CFAP91: variants seen among roughly 807,000 people sequenced by gnomAD.
CFAP91 encodes the protein cilia and flagella associated protein 91, also known as cilia- and flagella-associated protein 91.
In CFAP91, 85 loss-of-function variants were observed where a neutral mutation model predicts 95.9. The observed-to-expected ratio is 0.89, with a 90% CI of 0.74 to 1.06. CFAP91 has a LOEUF of 1.06. CFAP91 is among the 50% of genes least tolerant of loss of function. CFAP91 has a pLI of 0.00. For missense variants in CFAP91, 962 were observed against 943.4 expected (o/e 1.02, Z -0.26); for synonymous variants, 335 against 327.5 (o/e 1.02, Z -0.25).
chr3:119,736,673 G>A (rs2054015147), intron 10 of CFAP91, among the ~76,000 whole-genome samples: 1 of 152,102 alleles, frequency 6.6e-6, no homozygotes. Flanking sequence ...CTTTCACTTA[G>A]CATAGTATTT....
At chr3:119,750,905 A>G (rs1281783958) in intron 16 of CFAP91, 32 bp from the exon 17 acceptor site, 2 of 1,612,840 alleles carry the variant, frequency 1.2e-6, no homozygotes, top group Non-Finnish European at 1.7e-6. Context: ...TCAGACTTTC[A>G]GAATGAAAAT....
intron 9 of CFAP91, among the ~76,000 whole-genome samples, 179 bp from the exon 10 acceptor site, chr3:119,733,185 G>C (rs1300903932): frequency 6.6e-6 from 1 of 152,176 alleles, no homozygotes; most frequent in Non-Finnish European, 1.5e-5. Flanking sequence ...GACAACATGA[G>C]TTAATTATAT....
intron 6 of CFAP91, among the ~76,000 whole-genome samples, chr3:119,717,300 A>G (rs1559750499): frequency 6.6e-6 from 1 of 152,184 alleles, no homozygotes; most frequent in Non-Finnish European, 1.5e-5. Flanking sequence ...TTGGCGTTAA[A>G]CTGCAGAAGG....
At position 119,726,152 on chromosome 3, in the gene CFAP91, G is replaced by A; in HGVS notation, c.683-19G>A. On this transcript the variant is annotated intron_variant, in intron 6 of 17. Coordinates refer to ENST00000273390, the MANE Select transcript of CFAP91 (RefSeq NM_033364.4). Reference sequence around the variant, plus strand: ...GGGTCAGCTCACTTGTTCCTAAGCTGTGCTGCTTTATCCTGCAGGTCGGGG... The same window carrying A: ...GGGTCAGCTCACTTGTTCCTAAGCTATGCTGCTTTATCCTGCAGGTCGGGG... 6 of 1,594,880 alleles carry A rather than the reference G, an allele frequency of 3.8e-6. No homozygotes were observed. The highest frequency in any genetic ancestry group is 5.1e-6 in the Non-Finnish European group (6 of 1,172,184).
intron 12 of CFAP91, 111 bp downstream of exon 12, chr3:119,739,437 T>C: frequency 2.1e-6 from 2 of 946,128 alleles, no homozygotes; most frequent in South Asian, 2.9e-5. Context: ...TGCTATCCTA[T>C]TCAGCTAAAC....
intron 6 of CFAP91, among the ~76,000 whole-genome samples, chr3:119,717,413 GT>G (rs2053596819): frequency 1.3e-5 from 2 of 152,346 alleles, no homozygotes; most frequent in East Asian, 3.9e-4. Flanking sequence ...AAGTTAAAGT[GT>G]CAATAAAAGC....
At chr3:119,731,790 T>A (rs996897232) in intron 8 of CFAP91, among the ~76,000 whole-genome samples, 1 of 152,240 alleles carries the variant, frequency 6.6e-6, no homozygotes, top group Non-Finnish European at 1.5e-5. Context: ...ATACTCCTGA[T>A]GTGCACAGTT....
intron 6 of CFAP91, among the ~76,000 whole-genome samples, chr3:119,725,029 T>A (rs2053755256): frequency 6.6e-6 from 1 of 152,268 alleles, no homozygotes; most frequent in South Asian, 2.1e-4. Context: ...CATGCCCTAC[T>A]GTACGTGGTA....
chr3:119,726,562 A>C (rs2053788641), intron 7 of CFAP91, among the ~76,000 whole-genome samples: 1 of 152,202 alleles, frequency 6.6e-6, no homozygotes, highest in Admixed American at 6.5e-5. Flanking sequence ...AAACATTAAA[A>C]TGTAGAATGC....
chr3:119,703,042 G>T lies in CFAP91; in HGVS notation c.-57G>T. ...CGGCCGTTACCATAGCGACGTGCAC[G>T]CAGTAGCCAGGCCTGACCCGCTGGT... On this transcript the variant is annotated 5_prime_UTR_variant, in exon 1 of 18. Coordinates refer to ENST00000273390, the MANE Select transcript of CFAP91 (RefSeq NM_033364.4). 6.5e-7 allele frequency: 1 copy of T among 1,530,786 alleles called. No homozygotes were observed. Among genetic ancestry groups the T allele is most frequent in the Non-Finnish European group, 8.8e-7 (1 of 1,133,566 alleles). The allele number at this position is 1,530,786 out of a possible 1,614,324, so 94.8% of individuals were successfully genotyped here.
chr3:119,719,828 C>T (rs973970524), intron 6 of CFAP91, among the ~76,000 whole-genome samples: 3 of 152,156 alleles, frequency 2.0e-5, no homozygotes, highest in Admixed American at 6.5e-5. Context: ...AAAGGCTGGG[C>T]GTGGTGGCTC....
intron 10 of CFAP91, among the ~76,000 whole-genome samples, chr3:119,734,091 A>G (rs548283257): frequency 6.6e-6 from 1 of 152,256 alleles, no homozygotes; most frequent in African/African-American, 2.4e-5. Flanking sequence ...AGACACATGC[A>G]GCTGGGCTCC....
chr3:119,742,387 C>T (rs2054139017), intron 13 of CFAP91, among the ~76,000 whole-genome samples: 1 of 152,200 alleles, frequency 6.6e-6, no homozygotes. Context: ...AAATGCACAA[C>T]CCCCAATTAC....
chr3:119,759,466 T>TTA (rs755866950), intron 17 of CFAP91, among the ~76,000 whole-genome samples: 22 of 152,126 alleles, frequency 1.4e-4, no homozygotes, highest in Admixed American at 2.6e-4. Context: ...TGTACATTAA[T>TTA]TTATTAGGCT....
At chr3:119,764,532 T>G (rs544485203) in intron 17 of CFAP91, among the ~76,000 whole-genome samples, 13 of 152,236 alleles carry the variant, frequency 8.5e-5, no homozygotes, top group African/African-American at 3.1e-4. Flanking sequence ...CTATTCTGTT[T>G]ATGGTCCAGT....
intron 6 of CFAP91, among the ~76,000 whole-genome samples, chr3:119,724,501 G>A (rs141016178): frequency 2.9e-4 from 44 of 151,974 alleles, no homozygotes; most frequent in Admixed American, 7.9e-4. Flanking sequence ...AAAATGCCAC[G>A]CAAGACCCAC....
At chr3:119,763,899 G>C (rs1417036317) in intron 17 of CFAP91, among the ~76,000 whole-genome samples, 1 of 152,040 alleles carries the variant, frequency 6.6e-6, no homozygotes, top group Non-Finnish European at 1.5e-5. Flanking sequence ...GTAAGTTCAA[G>C]GGATGCATTG....
intron 12 of CFAP91, among the ~76,000 whole-genome samples, chr3:119,740,205 G>GA (rs1244162565): frequency 6.6e-6 from 1 of 152,226 alleles, no homozygotes; most frequent in Admixed American, 6.5e-5. Context: ...ATATGGCCAT[G>GA]AAAAATGCCA....
intron 13 of CFAP91, among the ~76,000 whole-genome samples, chr3:119,741,351 A>T (rs767347709): frequency 6.6e-6 from 1 of 152,218 alleles, no homozygotes; most frequent in Non-Finnish European, 1.5e-5. Flanking sequence ...AACAAAAGCA[A>T]CATGAAAAAA....
Sources: gnomAD v4.1 joint callset for allele counts (sites outside exome capture counted in the v4.1 genomes callset) on GRCh38, gnomAD v4.1.1 for gene constraint, MANE v1.5 for transcripts, NCBI Gene and HGNC (gene_info 2026-07-23, HGNC 2026-07-21) for gene names.